Variants in PLAAT3 observed in about 807,000 individuals in gnomAD.
The protein encoded by PLAAT3 is Ca-independent phospholipase A1/2.
PLAAT3 carries 21 observed loss-of-function variants against 16.7 expected under a neutral mutation model. The ratio of observed to expected loss-of-function variants is 1.26; its 90% CI spans 0.89 to 1.81. The LOEUF is 1.81. Among genes scored for constraint, PLAAT3 ranks in the 40% most tolerant of loss-of-function variants. PLAAT3 has a pLI of 0.00. For synonymous variants in PLAAT3, 76 were observed against 81.7 expected (o/e 0.93, Z 0.38); for missense variants, 219 against 213.7 (o/e 1.02, Z -0.16).
intron 1 of PLAAT3, 30 bp from the exon 2 acceptor site, chr11:63,614,098 C>T: frequency 1.2e-6 from 2 of 1,605,690 alleles, no homozygotes; most frequent in Non-Finnish European, 8.5e-7. Context: ...GATTTATTGT[C>T]ATTAACAGGA....
At chr11:63,586,937 A>G (rs1413183132) in intron 4 of PLAAT3, among the ~76,000 whole-genome samples, 1 of 152,156 alleles carries the variant, frequency 6.6e-6, no homozygotes, top group Non-Finnish European at 1.5e-5. Context: ...TACAAAAATT[A>G]CCCAGGTGTG....
At chr11:63,598,302 T>TC in intron 2 of PLAAT3, 139 bp from the exon 3 acceptor site, 1 of 641,040 alleles carries the variant, frequency 1.6e-6, no homozygotes, top group Admixed American at 2.5e-5. Context: ...CTCTGCCAGG[T>TC]CCAATGCCAG....
chr11:63,606,369 T>C (rs942049826), intron 2 of PLAAT3, among the ~76,000 whole-genome samples: 7 of 151,830 alleles, frequency 4.6e-5, no homozygotes, highest in African/African-American at 1.7e-4. Context: ...GTGGATCACC[T>C]GTCAGGAGTT....
intron 3 of PLAAT3, among the ~76,000 whole-genome samples, chr11:63,595,852 A>C (rs1938274266): frequency 6.6e-6 from 1 of 152,192 alleles, no homozygotes; most frequent in South Asian, 2.1e-4. Flanking sequence ...AGTTTGCAAA[A>C]AAGGAAATCA....
chr11:63,610,492 G>T (rs974404007), intron 2 of PLAAT3, among the ~76,000 whole-genome samples: 2 of 152,214 alleles, frequency 1.3e-5, no homozygotes, highest in Non-Finnish European at 2.9e-5. Flanking sequence ...GAGGTGTATG[G>T]TGGAGGGATG....
intron 2 of PLAAT3, among the ~76,000 whole-genome samples, chr11:63,610,955 C>T (rs951681733): frequency 6.6e-6 from 1 of 152,046 alleles, no homozygotes; most frequent in Non-Finnish European, 1.5e-5. Flanking sequence ...GACACACCCT[C>T]TTCGATCCCC....
chr11:63,589,415 A>AG (rs1473371602), intron 4 of PLAAT3, among the ~76,000 whole-genome samples: 11 of 150,250 alleles, frequency 7.3e-5, no homozygotes, highest in African/African-American at 2.7e-4. Context: ...TATGCAAAGA[A>AG]AAAAAAAAAA....
intron 4 of PLAAT3, among the ~76,000 whole-genome samples, chr11:63,584,872 T>G (rs571760371): frequency 2.0e-5 from 3 of 152,304 alleles, no homozygotes; most frequent in Non-Finnish European, 4.4e-5. Flanking sequence ...ATATAATGAC[T>G]GGTCAGATTC....
At chr11:63,580,292 C>G (rs1408502940) in intron 4 of PLAAT3, among the ~76,000 whole-genome samples, 4 of 152,200 alleles carry the variant, frequency 2.6e-5, no homozygotes, top group Non-Finnish European at 2.9e-5. Flanking sequence ...ATAAATATAT[C>G]ATGCTACATG....
upstream of PLAAT3, among the ~76,000 whole-genome samples, chr11:63,615,853 AG>A (rs1227717798): frequency 1.3e-5 from 2 of 151,704 alleles, no homozygotes; most frequent in Admixed American, 1.3e-4. Flanking sequence ...TTTTTAGTAG[AG>A]ACAGGGTTTC....
At chr11:63,575,123 A>T in intron 4 of PLAAT3, 77 bp from the exon 5 acceptor site, 1 of 981,286 alleles carries the variant, frequency 1.0e-6, no homozygotes, top group African/African-American at 1.6e-5. Context: ...AGAAACATTC[A>T]GCTCGGGATA....
intron 2 of PLAAT3, 27 bp downstream of exon 2, chr11:63,613,972 GC>G: frequency 1.1e-6 from 1 of 932,344 alleles, no homozygotes; most frequent in Non-Finnish European, 1.8e-6. Flanking sequence ...TCCCAGCCCC[GC>G]CCAGCCCCGC....
chr11:63,603,703 TACACACACACACACACACACACAC>T lies in PLAAT3; in HGVS notation c.16-5564_16-5541del, dbSNP rs67821162. 5.4e-3 allele frequency among the ~76,000 whole-genome samples: 636 copies of T among 117,092 alleles called. 4 individuals carry two copies. The highest frequency in any genetic ancestry group is 0.022 in the South Asian group (78 of 3,590). The allele number at this position is 117,092 out of a possible 152,430, so 76.8% of individuals were successfully genotyped here. ...AAAGGGCTAGTTAAGTAAATTATCCTACACACACACACACACACACACACACACACACACACACACACACACACA... is the reference window on the plus strand; with the variant it reads ...AAAGGGCTAGTTAAGTAAATTATCCTACACACACACACACACACACACACA... On this transcript the variant is annotated intron_variant, in intron 2 of 4. Transcript: ENST00000415826.
intron 2 of PLAAT3, among the ~76,000 whole-genome samples, chr11:63,598,385 A>G (rs1938347518): frequency 2.0e-5 from 3 of 152,248 alleles, no homozygotes; most frequent in South Asian, 4.1e-4. Context: ...CAAATTGCCA[A>G]GTGCAAACCT....
At position 63,575,037 on chromosome 11, in the gene PLAAT3, CAT is replaced by C. The variant is rs769431102; in HGVS notation, c.395_396del (p.Asp132GlyfsTer63). The C allele has an allele frequency of 1.5e-5, 24 of 1,609,162 alleles. No individual in the cohort carries two copies. Among genetic ancestry groups the C allele is most frequent in the Non-Finnish European group, 2.0e-5 (24 of 1,175,524 alleles). On this transcript the variant is annotated frameshift_variant, in exon 5 of 5. Coordinates refer to ENST00000415826, the MANE Select transcript of PLAAT3 (RefSeq NM_001128203.2). LOFTEE classifies it high-confidence loss of function. ...YGVARSDQVR[D>X]VIIAASVAGM... ...CCTGCAACGCTTGCAGCGATGATGA[CAT>C]CTCTGACCTGCAACAAAGAAGAGGG... is the stretch of plus-strand genomic sequence containing the variant.
intron 3 of PLAAT3, among the ~76,000 whole-genome samples, chr11:63,595,249 C>A (rs1938259021): frequency 6.7e-6 from 1 of 149,616 alleles, no homozygotes; most frequent in Non-Finnish European, 1.5e-5. Flanking sequence ...CAAGATCATG[C>A]CCCTGCACTC....
At chr11:63,594,676 G>C (rs1000618823) in intron 3 of PLAAT3, among the ~76,000 whole-genome samples, 1 of 152,154 alleles carries the variant, frequency 6.6e-6, no homozygotes, top group Non-Finnish European at 1.5e-5. Flanking sequence ...AATGGGAAGC[G>C]AGGAACCGGA....
intron 4 of PLAAT3, among the ~76,000 whole-genome samples, chr11:63,581,452 C>G (rs746308180): frequency 6.6e-6 from 1 of 152,134 alleles, no homozygotes; most frequent in South Asian, 2.1e-4. Context: ...TATGCCCTGT[C>G]TCCTGCAGTA....
chr11:63,593,630 G>A (rs773744061), intron 3 of PLAAT3, among the ~76,000 whole-genome samples: 2 of 152,040 alleles, frequency 1.3e-5, no homozygotes, highest in East Asian at 3.9e-4. Flanking sequence ...GTGCAGTGGT[G>A]CAATCTTGGT....
Sources: allele counts gnomAD v4.1 joint callset (sites outside exome capture counted in the v4.1 genomes callset), GRCh38; gene constraint gnomAD v4.1.1; transcripts MANE v1.5; gene names NCBI Gene and HGNC (gene_info 2026-07-23, HGNC 2026-07-21).